Variants in CCDC192 observed in about 807,000 individuals in gnomAD.
CCDC192 encodes coiled-coil domain containing 192.
At chr5:127,719,498 CACACATACATATATATATATATATAT>C (rs1469475368) in intron 2 of CCDC192, among the ~76,000 whole-genome samples, 1 of 67,752 alleles carries the variant, frequency 1.5e-5, no homozygotes, top group African/African-American at 5.5e-5. Context: ...TATATATACA[CACACATACATATATATATATATATAT>C]ACACACATAC....
intron 3 of CCDC192, among the ~76,000 whole-genome samples, chr5:127,779,830 T>C (rs1314665401): frequency 6.6e-6 from 1 of 152,140 alleles, no homozygotes; most frequent in Non-Finnish European, 1.5e-5. Flanking sequence ...GGTGCACCCA[T>C]CACTCGAGCA....
intron 5 of CCDC192, among the ~76,000 whole-genome samples, chr5:127,841,789 G>T (rs1433096870): frequency 6.6e-6 from 1 of 151,832 alleles, no homozygotes; most frequent in Non-Finnish European, 1.5e-5. Flanking sequence ...AGCCCAACGA[G>T]TGATCAGTAA....
intron 5 of CCDC192, among the ~76,000 whole-genome samples, chr5:127,866,452 T>A (rs897510015): frequency 5.4e-5 from 8 of 148,448 alleles, no homozygotes; most frequent in African/African-American, 2.0e-4. Flanking sequence ...TACAAAACCA[T>A]TTTTTGTTTG....
At chr5:127,862,314 G>A (rs781566994) in intron 5 of CCDC192, among the ~76,000 whole-genome samples, 25 of 152,150 alleles carry the variant, frequency 1.6e-4, no homozygotes, top group Admixed American at 1.5e-3. Flanking sequence ...GCAACATTCT[G>A]GAGTTACTGC....
rs2127055444 is a variant in CCDC192, at chr5:127,836,885, A to G, written c.412-38653A>G. ...GACATGCCCTGGAGACATTTTCCCC[A>G]TTGCCTTGGTAATTAACATTTGGCT... On this transcript the variant is annotated intron_variant, in intron 5 of 6. Coordinates refer to ENST00000514853, the MANE Select transcript of CCDC192 (RefSeq NM_001317938.2). Among the ~76,000 whole-genome samples the G allele has an allele frequency of 2.4e-5, 2 of 81,900 alleles. 1 individual carries two copies. Among genetic ancestry groups the G allele is most frequent in the African/African-American group, 8.1e-5 (2 of 24,708 alleles). 53.7% of individuals were successfully genotyped at this position (81,900 alleles called of 152,430 possible). A position where few individuals can be genotyped will look rare whatever the true frequency, so the allele number is the denominator to read the frequency against.
intron 5 of CCDC192, among the ~76,000 whole-genome samples, chr5:127,809,802 G>A (rs1757980342): frequency 6.6e-6 from 1 of 152,130 alleles, no homozygotes. Flanking sequence ...TCTGGAGGGT[G>A]CCTGACTCAC....
intron 5 of CCDC192, among the ~76,000 whole-genome samples, chr5:127,864,099 C>A (rs930655704): frequency 6.6e-6 from 1 of 152,062 alleles, no homozygotes; most frequent in Admixed American, 6.6e-5. Context: ...ATTGTCGCTC[C>A]CACTATTACA....
chr5:127,833,878 G>A (rs764632171), intron 5 of CCDC192, among the ~76,000 whole-genome samples: 4 of 152,046 alleles, frequency 2.6e-5, no homozygotes, highest in African/African-American at 7.2e-5. Flanking sequence ...ACCAGAAAAC[G>A]TACACAATGT....
At chr5:127,727,526 A>G (rs1752400150) in intron 2 of CCDC192, among the ~76,000 whole-genome samples, 1 of 152,084 alleles carries the variant, frequency 6.6e-6, no homozygotes, top group Non-Finnish European at 1.5e-5. Flanking sequence ...AGAAAACAAC[A>G]GCGTCAACAA....
intron 6 of CCDC192, among the ~76,000 whole-genome samples, chr5:127,881,234 T>G (rs1752341173): frequency 1.3e-5 from 2 of 152,170 alleles, no homozygotes; most frequent in South Asian, 4.1e-4. Context: ...GGTCACCTAC[T>G]CTGAAGGCTT....
At chr5:127,817,845 G>T (rs1206116208) in intron 5 of CCDC192, among the ~76,000 whole-genome samples, 1 of 152,100 alleles carries the variant, frequency 6.6e-6, no homozygotes, top group Non-Finnish European at 1.5e-5. Context: ...ATGAGGGCTG[G>T]AAACATGTAT....
chr5:127,850,218 A>G (rs1206907479), intron 5 of CCDC192, among the ~76,000 whole-genome samples: 2 of 152,130 alleles, frequency 1.3e-5, no homozygotes, highest in Non-Finnish European at 2.9e-5. Flanking sequence ...GGACAAGGGC[A>G]CCCAGCTCAG....
intron 6 of CCDC192, chr5:127,940,397 C>T (rs1207161939): frequency 6.6e-6 from 1 of 152,108 alleles, no homozygotes; most frequent in Non-Finnish European, 1.5e-5. Flanking sequence ...ACTAGTCTTT[C>T]CTCATTATCA....
At chr5:127,714,448 G>C (rs1409387093) in intron 2 of CCDC192, among the ~76,000 whole-genome samples, 2 of 152,164 alleles carry the variant, frequency 1.3e-5, no homozygotes, top group African/African-American at 4.8e-5. Context: ...GAGTGCAGTG[G>C]TGTAGTCTTG....
intron 2 of CCDC192, among the ~76,000 whole-genome samples, chr5:127,736,591 T>G (rs1287541350): frequency 1.3e-5 from 2 of 151,960 alleles, no homozygotes; most frequent in East Asian, 3.8e-4. Context: ...CTATTGATCA[T>G]TGCCACAATT....
chr5:127,827,188 G>C (rs1221634107), intron 5 of CCDC192, among the ~76,000 whole-genome samples: 1 of 152,134 alleles, frequency 6.6e-6, no homozygotes, highest in Non-Finnish European at 1.5e-5. Context: ...CACAAAGTAG[G>C]GAAAATTCCC....
intron 5 of CCDC192, among the ~76,000 whole-genome samples, chr5:127,843,029 G>GTTTTTTTTTTTTTTTTTTTTTTTTTTTT (rs11428874): frequency 1.1e-5 from 1 of 91,766 alleles, no homozygotes; most frequent in Non-Finnish European, 2.0e-5. Context: ...TTTTAGTCAA[G>GTTTTTTTTTTTTTTTTTTTTTTTTTTTT]TTTTTTTTTT....
At chr5:127,720,620 T>C (rs1195893942) in intron 2 of CCDC192, among the ~76,000 whole-genome samples, 1 of 152,218 alleles carries the variant, frequency 6.6e-6, no homozygotes, top group Non-Finnish European at 1.5e-5. Context: ...TCCAACCCTA[T>C]ATTTCTCCTC....
Position 127,939,110 on chromosome 5 carries a change from CTTTTT to C in CCDC192, c.536-2051_536-2047del, listed in dbSNP as rs59545987. Among the ~76,000 whole-genome samples the C allele has an allele frequency of 8.1e-4, 68 of 83,658 alleles. No homozygotes were observed. In the East Asian group the frequency reaches 0.026, roughly 32 times the overall value. 54.9% of individuals were successfully genotyped at this position (83,658 alleles called of 152,430 possible). A position where few individuals can be genotyped will look rare whatever the true frequency, so the allele number is the denominator to read the frequency against. On this transcript the variant is annotated intron_variant, in intron 6 of 6. Transcript: ENST00000514853. ...TTATGAAAGGCACTCAAACCAACAT[CTTTTT>C]TTTTTTTTTTTTTTTTTTTTGAGAT... is the stretch of plus-strand genomic sequence containing the variant.
Sources: allele counts gnomAD v4.1 joint callset (sites outside exome capture counted in the v4.1 genomes callset), GRCh38; gene constraint gnomAD v4.1.1; transcripts MANE v1.5; gene names NCBI Gene and HGNC (gene_info 2026-07-23, HGNC 2026-07-21).